The following ASAP1 variants were observed in gnomAD, a reference collection of about 807,000 sequenced individuals.
ASAP1 encodes the protein arf-GAP with SH3 domain, ANK repeat and PH domain-containing protein 1.
Under a neutral mutation model 145.2 loss-of-function variants are expected in ASAP1, and 43 were observed. That is an observed-to-expected ratio of 0.30 (90% CI 0.23 to 0.38). The LOEUF is 0.38. ASAP1 is among the 10% of genes least tolerant of loss of function. The probability of loss-of-function intolerance (pLI) is 1.00; values close to 1 mark genes in which losing one functional copy is unlikely to be tolerated. For missense variants in ASAP1, 1,018 were observed against 1,355.3 expected (o/e 0.75, Z 3.91); for synonymous variants, 546 against 515.5 (o/e 1.06, Z -0.80).
intron 3 of ASAP1, among the ~76,000 whole-genome samples, chr8:130,310,488 G>A (rs77591193): frequency 6.6e-6 from 1 of 152,146 alleles, no homozygotes; most frequent in Non-Finnish European, 1.5e-5. Flanking sequence ...GTGTCATGAA[G>A]TGAATTAAAC....
intron 3 of ASAP1, among the ~76,000 whole-genome samples, chr8:130,327,483 G>A (rs111710402): frequency 2.0e-5 from 3 of 152,302 alleles, no homozygotes; most frequent in African/African-American, 7.2e-5. Context: ...GACCACAGGT[G>A]AAGATTTTAT....
At chr8:130,392,698 G>A (rs1337363913) in intron 2 of ASAP1, among the ~76,000 whole-genome samples, 1 of 152,150 alleles carries the variant, frequency 6.6e-6, no homozygotes, top group Admixed American at 6.5e-5. Context: ...GGTTGCACAA[G>A]AAGCCAGCAC....
intron 5 of ASAP1, among the ~76,000 whole-genome samples, chr8:130,196,743 G>A (rs1815518351): frequency 6.6e-6 from 1 of 152,200 alleles, no homozygotes; most frequent in African/African-American, 2.4e-5. Flanking sequence ...TAAGGCTAAT[G>A]CAAATCTGCT....
intron 1 of ASAP1, among the ~76,000 whole-genome samples, chr8:130,403,559 T>C (rs938664087): frequency 3.5e-5 from 5 of 143,036 alleles, no homozygotes; most frequent in African/African-American, 7.9e-5. Flanking sequence ...TTTTTCTTTT[T>C]TTTTTTTTTT....
rs143126904 is a variant in ASAP1, at chr8:130,270,690, A to C, written c.187-33696T>G. On this transcript the variant is annotated intron_variant, in intron 3 of 29. Transcript: ENST00000518721. ...TAATATTTGAGTTTAATAAAAAACA[A>C]ACAAAATCTATCCTAAACAGAGGTA... 5.8e-4 allele frequency among the ~76,000 whole-genome samples: 89 copies of C among 152,354 alleles called. 2 individuals carry two copies. The East Asian group carries it at 0.016, about 27-fold the overall frequency.
chr8:130,343,464 T>C (rs1294851245), intron 3 of ASAP1, among the ~76,000 whole-genome samples: 1 of 152,200 alleles, frequency 6.6e-6, no homozygotes, highest in African/African-American at 2.4e-5. Flanking sequence ...CAGAGCCCAG[T>C]TTTTTCTTTT....
At chr8:130,225,249 C>T (rs1270754898) in intron 4 of ASAP1, among the ~76,000 whole-genome samples, 2 of 152,052 alleles carry the variant, frequency 1.3e-5, no homozygotes, top group Non-Finnish European at 2.9e-5. Context: ...TGTCCTTTGC[C>T]ATGGAGAAAT....
At position 130,125,935 on chromosome 8, in the gene ASAP1, C is replaced by A. The variant is rs559347878; in HGVS notation, c.1515+21G>T. 3 of 1,587,780 alleles carry A rather than the reference C, an allele frequency of 1.9e-6. No homozygotes were observed. In the African/African-American group the frequency reaches 4.1e-5, roughly 22 times the overall value. On this transcript the variant is annotated intron_variant, in intron 17 of 29. Coordinates refer to ENST00000518721, the MANE Select transcript of ASAP1 (RefSeq NM_018482.4). ...CTCATGACAATAATATCATTCTTCC[C>A]AAGTACAGGTCACTACTTACCAAGA... is the stretch of plus-strand genomic sequence containing the variant.
chr8:130,130,254 T>C (rs2097581003), intron 15 of ASAP1, among the ~76,000 whole-genome samples: 1 of 152,212 alleles, frequency 6.6e-6, no homozygotes, highest in Admixed American at 6.5e-5. Flanking sequence ...ACTTTATAGA[T>C]GAGGAAACTG....
At chr8:130,212,398 T>A (rs561406299) in intron 5 of ASAP1, among the ~76,000 whole-genome samples, 1 of 152,208 alleles carries the variant, frequency 6.6e-6, no homozygotes, top group Non-Finnish European at 1.5e-5. Context: ...GGTATGTATA[T>A]GGGAGTAGCT....
chr8:130,214,528 C>G (rs778265927), intron 5 of ASAP1, 28 bp downstream of exon 5: 1 of 1,560,818 alleles, frequency 6.4e-7, no homozygotes, highest in Non-Finnish European at 8.7e-7. Flanking sequence ...GGCTGTAATT[C>G]TTTTTACTCA....
chr8:130,126,062 C>T lies in ASAP1; in HGVS notation c.1409G>A (p.Gly470Asp). Reference protein sequence around the residue: ...SEPTWLSTNLGILTCIECSGI... With the variant: ...SEPTWLSTNLDILTCIECSGI... ...AGAACATTCTATACAGGTCAAAATA[C>T]CCAAGTTGGTTGAAAGCCAGGTGGG... The change falls in exon 17 of 30, where the codon GGT (glycine) becomes GAT (aspartate). Residue 470 changes from glycine to aspartate, a missense_variant. By Grantham distance (94) the Gly-to-Asp change is moderately conservative. Coordinates refer to ENST00000518721, the MANE Select transcript of ASAP1 (RefSeq NM_018482.4). 6.2e-7 allele frequency: 1 copy of T among 1,610,870 alleles called. No homozygotes were observed. The highest frequency in any genetic ancestry group is 8.5e-7 in the Non-Finnish European group (1 of 1,179,106).
intron 2 of ASAP1, among the ~76,000 whole-genome samples, chr8:130,374,899 T>C (rs1032638281): frequency 4.6e-5 from 7 of 152,062 alleles, no homozygotes; most frequent in African/African-American, 1.7e-4. Flanking sequence ...ACACAAGACA[T>C]CCAAGACTAC....
Position 130,358,536 on chromosome 8 carries a change from G to A in ASAP1, c.60-393C>T, listed in dbSNP as rs933913825. Among the ~76,000 whole-genome samples the A allele has an allele frequency of 4.7e-5, 7 of 147,752 alleles. No homozygotes were observed. Among genetic ancestry groups the A allele is most frequent in the African/African-American group, 1.7e-4 (7 of 40,936 alleles). ...GGGGCGTGCGCGGGCTGGGCGGCTG[G>A]GGCGCCCGGCGCTGCCTCCTCAGAC... On this transcript the variant is annotated intron_variant, in intron 2 of 29. Coordinates refer to ENST00000518721, the MANE Select transcript of ASAP1 (RefSeq NM_018482.4). This position sits in a 1 kb window ranked among gnomAD's most constrained non-coding sequence, Gnocchi z 4.1.
intron 5 of ASAP1, among the ~76,000 whole-genome samples, chr8:130,202,763 G>C (rs1815949756): frequency 6.6e-6 from 1 of 152,128 alleles, no homozygotes; most frequent in South Asian, 2.1e-4. Context: ...CTTGGGAGGT[G>C]GTGGAGCAGA....
chr8:130,298,529 T>C (rs995558113), intron 3 of ASAP1, among the ~76,000 whole-genome samples: 2 of 152,170 alleles, frequency 1.3e-5, no homozygotes, highest in African/African-American at 4.8e-5. Flanking sequence ...CAATCCATTC[T>C]CCACACTGCA....
At chr8:130,298,795 G>A (rs776637914) in intron 3 of ASAP1, among the ~76,000 whole-genome samples, 22 of 152,152 alleles carry the variant, frequency 1.4e-4, no homozygotes, top group Non-Finnish European at 2.8e-4. Context: ...CGGGAGACAA[G>A]GCTGGGTGCC....
At chr8:130,318,374 A>G (rs959305520) in intron 3 of ASAP1, among the ~76,000 whole-genome samples, 4 of 152,082 alleles carry the variant, frequency 2.6e-5, no homozygotes, top group African/African-American at 9.7e-5. Flanking sequence ...TAGCCACCAT[A>G]CCCAGCCCAG....
chr8:130,410,624 G>C (rs558992858), intron 1 of ASAP1, among the ~76,000 whole-genome samples: 1 of 152,350 alleles, frequency 6.6e-6, no homozygotes, highest in East Asian at 1.9e-4. Context: ...CCCATTGTGT[G>C]ATCATATCTT....
Sources: allele counts gnomAD v4.1 joint callset (sites outside exome capture counted in the v4.1 genomes callset), GRCh38; gene constraint gnomAD v4.1.1; non-coding constraint Gnocchi (gnomAD v3.1); transcripts MANE v1.5; gene names NCBI Gene and HGNC (gene_info 2026-07-23, HGNC 2026-07-21).